FBXL17: variants seen among roughly 807,000 people sequenced by gnomAD.
FBXL17 encodes F-box/LRR-repeat protein 17.
FBXL17 carries 22 observed loss-of-function variants against 66.2 expected under a neutral mutation model. The ratio of observed to expected loss-of-function variants is 0.33; its 90% CI spans 0.24 to 0.47. The LOEUF is 0.47. Among genes scored for constraint, FBXL17 ranks in the 20% least tolerant of loss-of-function variants. The probability of loss-of-function intolerance (pLI) is 1.00; values close to 1 mark genes in which losing one functional copy is unlikely to be tolerated. For missense variants in FBXL17, 878 were observed against 948.2 expected (o/e 0.93, Z 0.97); for synonymous variants, 474 against 400.5 (o/e 1.18, Z -2.19).
chr5:107,923,752 C>T (rs962202291), intron 7 of FBXL17, among the ~76,000 whole-genome samples: 2 of 152,168 alleles, frequency 1.3e-5, no homozygotes, highest in African/African-American at 4.8e-5. Flanking sequence ...TCTTAACACC[C>T]ACTCTTTCAT....
At chr5:107,971,040 GTTC>G (rs1461401045) in intron 7 of FBXL17, among the ~76,000 whole-genome samples, 2 of 152,284 alleles carry the variant, frequency 1.3e-5, no homozygotes, top group East Asian at 3.9e-4. Flanking sequence ...TGTACAGTCA[GTTC>G]TTCTATAAAA....
At chr5:108,114,752 A>C (rs1750175931) in intron 6 of FBXL17, among the ~76,000 whole-genome samples, 1 of 152,188 alleles carries the variant, frequency 6.6e-6, no homozygotes, top group Non-Finnish European at 1.5e-5. Context: ...AATGCCAATC[A>C]CACTACTGCA....
chr5:108,071,795 C>T (rs534413677), intron 6 of FBXL17, among the ~76,000 whole-genome samples: 1 of 152,224 alleles, frequency 6.6e-6, no homozygotes, highest in South Asian at 2.1e-4. Context: ...ACATATTTCA[C>T]TTACTCATTG....
chr5:108,066,933 T>A (rs1748137909), intron 6 of FBXL17, among the ~76,000 whole-genome samples: 1 of 152,028 alleles, frequency 6.6e-6, no homozygotes, highest in Non-Finnish European at 1.5e-5. Context: ...AGCATTTAGA[T>A]GTAAAAGCTA....
At chr5:108,187,125 T>C (rs146240880) in intron 5 of FBXL17, among the ~76,000 whole-genome samples, 2 of 152,298 alleles carry the variant, frequency 1.3e-5, no homozygotes, top group African/African-American at 4.8e-5. Context: ...TTCCACCTTC[T>C]CCATGTTTTC....
intron 7 of FBXL17, among the ~76,000 whole-genome samples, chr5:107,927,324 A>G (rs1237201207): frequency 6.6e-6 from 1 of 152,122 alleles, no homozygotes; most frequent in Non-Finnish European, 1.5e-5. Flanking sequence ...TGGTGTAGGC[A>G]ATTAACTGTA....
chr5:107,911,798 C>T (rs951117384), intron 7 of FBXL17, among the ~76,000 whole-genome samples: 3 of 151,824 alleles, frequency 2.0e-5, no homozygotes, highest in Admixed American at 2.0e-4. Context: ...TAGCATGTAA[C>T]AAAATAGGGT....
At chr5:108,221,740 T>C (rs1219817131) in intron 5 of FBXL17, among the ~76,000 whole-genome samples, 2 of 152,204 alleles carry the variant, frequency 1.3e-5, no homozygotes, top group Non-Finnish European at 2.9e-5. Context: ...TAGTAACCAG[T>C]ATGAAAACAT....
chr5:107,912,069 A>G (rs914513750), intron 7 of FBXL17, among the ~76,000 whole-genome samples: 1 of 152,160 alleles, frequency 6.6e-6, no homozygotes, highest in African/African-American at 2.4e-5. Flanking sequence ...TGCTGAGGGG[A>G]GTATAAATCG....
chr5:108,126,444 C>G (rs1159161890), intron 6 of FBXL17, among the ~76,000 whole-genome samples: 1 of 151,870 alleles, frequency 6.6e-6, no homozygotes, highest in Non-Finnish European at 1.5e-5. Flanking sequence ...TCATCCAATT[C>G]AAATCAGACT....
At chr5:107,881,675 A>C (rs1039430103) in intron 7 of FBXL17, among the ~76,000 whole-genome samples, 2 of 152,238 alleles carry the variant, frequency 1.3e-5, no homozygotes, top group African/African-American at 4.8e-5. Flanking sequence ...AAAGTATAAA[A>C]TATTTTTCAC....
intron 5 of FBXL17, among the ~76,000 whole-genome samples, chr5:108,206,287 T>A (rs548372278): frequency 6.6e-6 from 1 of 152,338 alleles, no homozygotes; most frequent in African/African-American, 2.4e-5. Flanking sequence ...TATGTGATTC[T>A]CATTTTGTTT....
intron 4 of FBXL17, among the ~76,000 whole-genome samples, chr5:108,342,942 A>G (rs905898803): frequency 2.6e-5 from 4 of 152,210 alleles, no homozygotes; most frequent in African/African-American, 9.6e-5. Context: ...AGATGATAGT[A>G]TTAGGAAGTG....
rs1237518922 is a variant in FBXL17, at chr5:108,381,267, T to C, written c.425A>G (p.Lys142Arg). 1 of 1,425,688 alleles carries C rather than the reference T, an allele frequency of 7.0e-7. No individual in the cohort carries two copies. The highest frequency in any genetic ancestry group is 1.4e-5 in the South Asian group (1 of 70,990). The allele number at this position is 1,425,688 out of a possible 1,614,324, so 88.3% of individuals were successfully genotyped here. ...ASASSPASCC[K>R]ELGLAAAAAW... is the part of the protein sequence containing the mutation. ...GGCGGCCGCAGCCAGCCCCAACTCTTTGCAGCAGGAGGCGGGCGACGAAGC... is the reference window on the plus strand; with the variant it reads ...GGCGGCCGCAGCCAGCCCCAACTCTCTGCAGCAGGAGGCGGGCGACGAAGC... Residue 142 changes from lysine (K) to arginine (R), a missense_variant, in exon 1 of 9, where the codon AAA (lysine) becomes AGA (arginine). Lys to Arg is a conservative substitution (Grantham distance 26). Transcript: ENST00000542267.
intron 7 of FBXL17, among the ~76,000 whole-genome samples, chr5:107,881,762 G>C (rs143530342): frequency 1.2e-4 from 18 of 152,272 alleles, no homozygotes; most frequent in African/African-American, 4.1e-4. Flanking sequence ...CCATGCTAGA[G>C]TGCAGTAAAC....
At chr5:107,928,417 T>G (rs1750608365) in intron 7 of FBXL17, among the ~76,000 whole-genome samples, 1 of 144,356 alleles carries the variant, frequency 6.9e-6, no homozygotes, top group Non-Finnish European at 1.6e-5. Context: ...AGCTACATAC[T>G]TTGTTTTTTT....
intron 3 of FBXL17, among the ~76,000 whole-genome samples, chr5:108,354,744 A>C (rs1335549944): frequency 6.6e-6 from 1 of 151,764 alleles, no homozygotes; most frequent in Non-Finnish European, 1.5e-5. Flanking sequence ...AAAAAGAAAA[A>C]AAAAAGTAAG....
At chr5:108,043,813 T>C (rs773916616) in intron 6 of FBXL17, among the ~76,000 whole-genome samples, 1 of 152,206 alleles carries the variant, frequency 6.6e-6, no homozygotes, top group Non-Finnish European at 1.5e-5. Context: ...AGAAATTACA[T>C]GTCTCCTATG....
At position 108,161,996 on chromosome 5, in the gene FBXL17, C is replaced by T. The variant is rs74675856; in HGVS notation, c.1745+24121G>A. Among the ~76,000 whole-genome samples the T allele has an allele frequency of 4.3e-3, 656 of 152,168 alleles. 3 individuals carry two copies. Among genetic ancestry groups the T allele is most frequent in the African/African-American group, 0.015 (634 of 41,512 alleles). On this transcript the variant is annotated intron_variant, in intron 6 of 8. Transcript: ENST00000542267. ...TAAGGTTTCAGAGCATGCTCAGCAGCGTTAAAAGGGATAAATAGAAATTAT... is the reference window on the plus strand; with the variant it reads ...TAAGGTTTCAGAGCATGCTCAGCAGTGTTAAAAGGGATAAATAGAAATTAT...
Sources: gnomAD v4.1 joint callset for allele counts (sites outside exome capture counted in the v4.1 genomes callset) on GRCh38, gnomAD v4.1.1 for gene constraint, MANE v1.5 for transcripts, NCBI Gene and HGNC (gene_info 2026-07-23, HGNC 2026-07-21) for gene names.